Variants in CASK observed in about 807,000 individuals in gnomAD.
The protein encoded by CASK is calcium/calmodulin dependent serine protein kinase.
In CASK, 4 loss-of-function variants were observed where a neutral mutation model predicts 82.9. That is an observed-to-expected ratio of 0.05 (90% CI 0.02 to 0.11). The LOEUF (loss-of-function observed/expected upper bound fraction) is 0.11. Ranked by LOEUF, CASK falls within the 10% of genes least tolerant of loss-of-function variation. The pLI, the probability that CASK is intolerant of heterozygous loss-of-function variation, is 1.00. For missense variants in CASK, 358 were observed against 720.9 expected, an observed-to-expected ratio of 0.50 and a Z score of 5.76; for synonymous variants, 259 against 253.5, an observed-to-expected ratio of 1.02 and a Z score of -0.20.
intron 2 of CASK, among the ~76,000 whole-genome samples, chrX:41,844,779 A>G (rs2071118010): frequency 9.0e-6 from 1 of 111,707 alleles, no homozygotes; most frequent in South Asian, 3.7e-4. Context: ...TGAAAGGTTA[A>G]ATTATTGATT....
chrX:41,643,108 T>C (rs1257356950), intron 8 of CASK, among the ~76,000 whole-genome samples: 2 of 111,623 alleles, frequency 1.8e-5, no homozygotes, highest in Admixed American at 9.5e-5. Flanking sequence ...TTGGTCTATA[T>C]CTCTGTTTTG....
intron 11 of CASK, 26 bp downstream of exon 11, chrX:41,622,591 T>C: frequency 8.4e-7 from 1 of 1,183,964 alleles, no homozygotes; most frequent in Non-Finnish European, 1.1e-6. Flanking sequence ...AAGATACACC[T>C]TAAAGGAAAA....
intron 5 of CASK, among the ~76,000 whole-genome samples, chrX:41,732,897 A>T (rs1487011501): frequency 9.1e-6 from 1 of 109,987 alleles, no homozygotes; most frequent in African/African-American, 3.3e-5. Flanking sequence ...CACCTGGCTA[A>T]TTTTTATTTT....
At chrX:41,676,550 T>C in intron 5 of CASK, 1 of 1,044,023 alleles carries the variant, frequency 9.6e-7, no homozygotes. Flanking sequence ...CTCGCCTGGG[T>C]CTACCTGGCG....
chrX:41,920,012 T>A (rs1272724551), intron 1 of CASK, among the ~76,000 whole-genome samples: 2 of 112,103 alleles, frequency 1.8e-5, no homozygotes, highest in African/African-American at 6.5e-5. Flanking sequence ...AACGAGAACT[T>A]TCATTTATGC....
At chrX:41,720,690 C>T (rs750738433) in intron 5 of CASK, among the ~76,000 whole-genome samples, 11 of 111,063 alleles carry the variant, frequency 9.9e-5, no homozygotes, top group Non-Finnish European at 1.7e-4. Context: ...CTAAGCTGTC[C>T]TGTGTCCTCT....
chrX:41,846,824 C>A (rs1245166639), intron 2 of CASK, among the ~76,000 whole-genome samples: 5 of 112,078 alleles, frequency 4.5e-5, no homozygotes, highest in Non-Finnish European at 9.4e-5. Flanking sequence ...GTGACAAATT[C>A]TATCCGTTTT....
At chrX:41,771,374 T>C (rs1362935912) in intron 3 of CASK, among the ~76,000 whole-genome samples, 3 of 111,738 alleles carry the variant, frequency 2.7e-5, no homozygotes, top group African/African-American at 9.7e-5. Context: ...TGAACCCAGA[T>C]AAAACCTTAG....
chrX:41,633,606 A>ATT (rs1022535667), intron 9 of CASK, among the ~76,000 whole-genome samples: 1 of 105,558 alleles, frequency 9.5e-6, no homozygotes, highest in African/African-American at 3.5e-5. Flanking sequence ...CTTTTTTTTT[A>ATT]TTTTTTTTTA....
At chrX:41,781,327 T>C (rs1001113304) in intron 3 of CASK, among the ~76,000 whole-genome samples, 1 of 111,664 alleles carries the variant, frequency 9.0e-6, no homozygotes, top group African/African-American at 3.3e-5. Flanking sequence ...AAAAAAGGAG[T>C]GTTGGTTATA....
At chrX:41,626,142 C>G (rs1184073399) in intron 10 of CASK, among the ~76,000 whole-genome samples, 2 of 109,329 alleles carry the variant, frequency 1.8e-5, no homozygotes, top group Admixed American at 2.0e-4. Context: ...AACTTGGTAA[C>G]TGTTTCAGGA....
At chrX:41,568,481 T>C (rs912209510) in intron 16 of CASK, among the ~76,000 whole-genome samples, 1 of 110,574 alleles carries the variant, frequency 9.0e-6, no homozygotes, top group Admixed American at 9.6e-5. Flanking sequence ...AATAAGGCAC[T>C]AAAATGCTTA....
intron 2 of CASK, among the ~76,000 whole-genome samples, chrX:41,846,200 A>C (rs776906923): frequency 9.0e-6 from 1 of 111,723 alleles, no homozygotes; most frequent in Non-Finnish European, 1.9e-5. Context: ...TGAATAGATA[A>C]AGAAAATGTG....
At chrX:41,848,863 A>G (rs1254377698) in intron 2 of CASK, among the ~76,000 whole-genome samples, 2 of 111,934 alleles carry the variant, frequency 1.8e-5, no homozygotes, top group East Asian at 5.6e-4. Flanking sequence ...AAATTATTAT[A>G]CAATGCTATG....
intron 3 of CASK, among the ~76,000 whole-genome samples, chrX:41,749,376 A>ATTTTTTTTTTTT (rs35045589): frequency 2.8e-5 from 2 of 72,385 alleles, no homozygotes; most frequent in African/African-American, 9.7e-5. Flanking sequence ...TTCTTCACCA[A>ATTTTTTTTTTTT]TTTTTTTTTT....
chrX:41,621,875 C>T (rs193139163), intron 11 of CASK, among the ~76,000 whole-genome samples: 26 of 111,658 alleles, frequency 2.3e-4, no homozygotes, highest in African/African-American at 7.5e-4. Flanking sequence ...TTCACATGCA[C>T]TTGTAAGAAA....
chrX:41,922,593 G>T (rs2072803890), intron 1 of CASK, among the ~76,000 whole-genome samples: 1 of 112,186 alleles, frequency 8.9e-6, no homozygotes, highest in African/African-American at 3.2e-5. Flanking sequence ...ATGGTCTATG[G>T]TACATGCAAG....
At chrX:41,523,898 G>T in intron 26 of CASK, 53 bp downstream of exon 26, 1 of 877,767 alleles carries the variant, frequency 1.1e-6, no homozygotes, top group Non-Finnish European at 1.7e-6. Flanking sequence ...CTGTGCTGGG[G>T]AGTAAGGCTT....
chrX:41,631,310 T>C (rs922952675), intron 9 of CASK, among the ~76,000 whole-genome samples: 1 of 111,531 alleles, frequency 9.0e-6, no homozygotes, highest in Non-Finnish European at 1.9e-5. Context: ...AATCATAAAC[T>C]GGTGGGACAT....
Sources: allele counts gnomAD v4.1 joint callset (sites outside exome capture counted in the v4.1 genomes callset), GRCh38; gene constraint gnomAD v4.1.1; transcripts MANE v1.5; gene names NCBI Gene and HGNC (gene_info 2026-07-23, HGNC 2026-07-21).